Variants in DIPK1C observed in about 807,000 individuals in gnomAD.
DIPK1C encodes divergent protein kinase domain 1C.
A neutral mutation model predicts 28.0 loss-of-function variants in DIPK1C; 33 were observed. The observed-to-expected ratio is 1.18, with a 90% CI of 0.89 to 1.58. The LOEUF (loss-of-function observed/expected upper bound fraction) is 1.58. DIPK1C is among the 40% of genes most tolerant of loss of function. The probability of loss-of-function intolerance (pLI) is 0.00; values close to 1 mark genes in which losing one functional copy is unlikely to be tolerated. For synonymous variants in DIPK1C, 255 were observed against 248.8 expected (o/e 1.02, Z -0.23); for missense variants, 569 against 568.5 (o/e 1.00, Z -0.01).
At chr18:74,446,374 G>T (rs1316837855) in intron 2 of DIPK1C, among the ~76,000 whole-genome samples, 1 of 152,202 alleles carries the variant, frequency 6.6e-6, no homozygotes. Flanking sequence ...AAGCTGGCCC[G>T]GCCTCTGCCT....
At chr18:74,437,717 G>T (rs2144509730) in intron 3 of DIPK1C, among the ~76,000 whole-genome samples, 2 of 152,232 alleles carry the variant, frequency 1.3e-5, no homozygotes, top group East Asian at 3.9e-4. Flanking sequence ...ATGTTCTTAA[G>T]GCTAGACCGT....
chr18:74,450,851 A>G (rs1319067614), intron 1 of DIPK1C, among the ~76,000 whole-genome samples: 2 of 152,256 alleles, frequency 1.3e-5, no homozygotes, highest in Non-Finnish European at 2.9e-5. Flanking sequence ...GCAGGGCCAC[A>G]GTGAGGCTAA....
At position 74,436,577 on chromosome 18, in the gene DIPK1C, G is replaced by A. The variant is rs1274621107; in HGVS notation, c.1184C>T (p.Ala395Val). The A allele has an allele frequency of 1.2e-6, 2 of 1,611,760 alleles. No individual in the cohort carries two copies. The highest frequency in any genetic ancestry group is 1.3e-5 in the African/African-American group (1 of 74,886). The change falls in exon 4 of 4, where the codon GCA becomes GTA. Residue 395 changes from alanine (A) to valine (V), a missense_variant. Ala to Val is a moderately conservative substitution (Grantham distance 64, BLOSUM62 0). Coordinates refer to ENST00000343998, the MANE Select transcript of DIPK1C (RefSeq NM_001044369.3). ...AAGCTTCCAGAACACGCTGGAGGCT[G>A]CTCTCCGGGTGTTCCCACTGGGGAC... The part of the protein sequence containing the change: ...PGVPSGNTRR[A>V]ASSVFWKLRQ...
At chr18:74,448,742 A>T (rs749243045) in intron 1 of DIPK1C, among the ~76,000 whole-genome samples, 10 of 152,144 alleles carry the variant, frequency 6.6e-5, no homozygotes, top group Admixed American at 1.3e-4. Flanking sequence ...GATCAGCTTT[A>T]CCCATTCCAA....
intron 1 of DIPK1C, among the ~76,000 whole-genome samples, chr18:74,455,420 C>T: frequency 6.6e-6 from 1 of 151,894 alleles, no homozygotes; most frequent in South Asian, 2.1e-4. Context: ...AAAAGAAAAC[C>T]AGGGGGGAAA....
rs1002792589 is a variant in DIPK1C, at chr18:74,446,849, G to C, written c.633C>G (p.Pro211=). Residue 211 remains proline, a synonymous_variant, in exon 2 of 4, where the codon CCC becomes CCG. Transcript: ENST00000343998. ...LLQDLSPHVL[P]VLGSCGHFYA... ...AGAAGTGGCCGCAGGAACCCAGCACGGGCAGCACGTGTGGGCTCAGGTCCT... is the reference window on the plus strand; with the variant it reads ...AGAAGTGGCCGCAGGAACCCAGCACCGGCAGCACGTGTGGGCTCAGGTCCT... 2 of 1,508,560 alleles carry C rather than the reference G, an allele frequency of 1.3e-6. No homozygotes were observed. The highest frequency in any genetic ancestry group is 1.8e-6 in the Non-Finnish European group (2 of 1,123,672). The allele number at this position is 1,508,560 out of a possible 1,614,324, so 93.4% of individuals were successfully genotyped here.
At chr18:74,453,048 T>C (rs945346871) in intron 1 of DIPK1C, among the ~76,000 whole-genome samples, 2 of 152,252 alleles carry the variant, frequency 1.3e-5, no homozygotes, top group Non-Finnish European at 2.9e-5. Context: ...TGCAGTGGAT[T>C]TGTGCTTCTC....
At position 74,447,369 on chromosome 18, in the gene DIPK1C, G is replaced by A. The variant is rs1487281210; in HGVS notation, c.199-86C>T. On this transcript the variant is annotated intron_variant, in intron 1 of 3. Transcript: ENST00000343998. This position sits in a 1 kb window ranked among gnomAD's most constrained non-coding sequence, Gnocchi z 4.1. ...TCGGGTTAGGGAAGGGGACAGCCTAGCCTCTGCCCTCAGGACGCTGATAAT... is the reference window on the plus strand; with the variant it reads ...TCGGGTTAGGGAAGGGGACAGCCTAACCTCTGCCCTCAGGACGCTGATAAT... 6 of 1,304,872 alleles carry A rather than the reference G, an allele frequency of 4.6e-6. No homozygotes were observed. The highest frequency in any genetic ancestry group is 5.5e-5 in the Admixed American group (2 of 36,476). The allele number at this position is 1,304,872 out of a possible 1,614,324, so 80.8% of individuals were successfully genotyped here. A position where few individuals can be genotyped will look rare whatever the true frequency, so the allele number is the denominator to read the frequency against.
At chr18:74,446,313 A>AG (rs1986258928) in intron 2 of DIPK1C, among the ~76,000 whole-genome samples, 1 of 152,200 alleles carries the variant, frequency 6.6e-6, no homozygotes, top group African/African-American at 2.4e-5. Flanking sequence ...GTGAGCTCAA[A>AG]GCAGCCACAG....
intron 2 of DIPK1C, among the ~76,000 whole-genome samples, chr18:74,445,052 C>G (rs752773): frequency 0.41 from 63,034 of 151,956 alleles, 13,712 homozygotes; most frequent in Non-Finnish European, 0.49. Context: ...TCAACAATTA[C>G]AGCACCTTCT....
intron 2 of DIPK1C, among the ~76,000 whole-genome samples, chr18:74,444,757 G>T (rs1986221344): frequency 6.6e-6 from 1 of 152,110 alleles, no homozygotes; most frequent in Non-Finnish European, 1.5e-5. Context: ...CCCTATTCTT[G>T]TCCAGGCCAA....
At chr18:74,450,810 C>T (rs566611599) in intron 1 of DIPK1C, among the ~76,000 whole-genome samples, 79 of 152,338 alleles carry the variant, frequency 5.2e-4, no homozygotes, top group African/African-American at 1.8e-3. Context: ...GGACAGGCTT[C>T]GAAATTCCTA....
chr18:74,436,479 C>A lies in DIPK1C; in HGVS notation c.*22G>T. 1 of 1,562,762 alleles carries A rather than the reference C, an allele frequency of 6.4e-7. No homozygotes were observed. Among genetic ancestry groups the A allele is most frequent in the Middle Eastern group, 2.3e-4 (1 of 4,286 alleles). On this transcript the variant is annotated 3_prime_UTR_variant, in exon 4 of 4. Coordinates refer to ENST00000343998, the MANE Select transcript of DIPK1C (RefSeq NM_001044369.3). ...GCCAAGGTCACTTTTCCTGTGTGAG[C>A]ATGTTTAAGGCCAGAGAGTGGCTAC...
intron 3 of DIPK1C, among the ~76,000 whole-genome samples, chr18:74,438,863 T>C (rs1333776322): frequency 6.6e-6 from 1 of 152,122 alleles, no homozygotes; most frequent in East Asian, 1.9e-4. Flanking sequence ...TAGTGAGGCA[T>C]AGGGGGGCTT....
chr18:74,458,964 C>T (rs1317195007), upstream of DIPK1C, among the ~76,000 whole-genome samples: 1 of 144,248 alleles, frequency 6.9e-6, no homozygotes. Context: ...AGTTAGCAGG[C>T]ATGGTGATGT....
chr18:74,445,223 C>T (rs1986232418), intron 2 of DIPK1C, among the ~76,000 whole-genome samples: 1 of 152,120 alleles, frequency 6.6e-6, no homozygotes, highest in Non-Finnish European at 1.5e-5. Context: ...GGGTCGTTTC[C>T]CCCCAACACA....
chr18:74,463,115 A>G, the DIPK1C span, among the ~76,000 whole-genome samples: 6 of 152,170 alleles, frequency 3.9e-5, 1 homozygote, highest in African/African-American at 1.4e-4. Flanking sequence ...TGTGGGTGCC[A>G]TGGGGATTCC....
chr18:74,447,629 G>A lies in DIPK1C; in HGVS notation c.199-346C>T, dbSNP rs1429715424. 6.6e-6 allele frequency among the ~76,000 whole-genome samples: 1 copy of A among 152,148 alleles called. No homozygotes were observed. The highest frequency in any genetic ancestry group is 6.5e-5 in the Admixed American group (1 of 15,282). On this transcript the variant is annotated intron_variant, in intron 1 of 3. Coordinates refer to ENST00000343998, the MANE Select transcript of DIPK1C (RefSeq NM_001044369.3). This position sits in a 1 kb window ranked among gnomAD's most constrained non-coding sequence, Gnocchi z 4.1. ...CCAACAGGTGAAGGGGCTGGACCAGGCCAGTAGCTCTCGACTCTGCCTACA... is the reference window on the plus strand; with the variant it reads ...CCAACAGGTGAAGGGGCTGGACCAGACCAGTAGCTCTCGACTCTGCCTACA...
intron 1 of DIPK1C, among the ~76,000 whole-genome samples, chr18:74,449,674 G>C (rs1986354713): frequency 6.6e-6 from 1 of 152,120 alleles, no homozygotes; most frequent in South Asian, 2.1e-4. Context: ...CAGGCCTGTA[G>C]ATAGAAACTC....
Sources: allele counts gnomAD v4.1 joint callset (sites outside exome capture counted in the v4.1 genomes callset), GRCh38; gene constraint gnomAD v4.1.1; non-coding constraint Gnocchi (gnomAD v3.1); transcripts MANE v1.5; gene names NCBI Gene and HGNC (gene_info 2026-07-23, HGNC 2026-07-21).